The following VAT1L variants were observed in gnomAD, a reference collection of about 807,000 sequenced individuals.
VAT1L encodes the protein putative NADPH-dependent quinone oxidoreductase VAT1L.
In VAT1L, 34 loss-of-function variants were observed where a neutral mutation model predicts 44.1. The observed-to-expected ratio is 0.77, with a 90% CI of 0.59 to 1.03. The LOEUF is 1.03. Ranked by LOEUF, VAT1L falls within the 50% of genes least tolerant of loss-of-function variation. The pLI, the probability that VAT1L is intolerant of heterozygous loss-of-function variation, is 0.00. For missense variants in VAT1L, 615 were observed against 538.8 expected, an observed-to-expected ratio of 1.14 and a Z score of -1.40; for synonymous variants, 253 against 202.2, an observed-to-expected ratio of 1.25 and a Z score of -2.13.
intron 1 of VAT1L, among the ~76,000 whole-genome samples, chr16:77,792,034 C>G (rs1481131622): frequency 6.6e-6 from 1 of 152,010 alleles, no homozygotes; most frequent in Admixed American, 6.6e-5. Context: ...TCCATATGCC[C>G]CTGGGGGATG....
chr16:77,822,383 G>A (rs950804256), intron 2 of VAT1L, among the ~76,000 whole-genome samples: 3 of 152,138 alleles, frequency 2.0e-5, no homozygotes, highest in African/African-American at 7.2e-5. Flanking sequence ...CTCCCAAAGT[G>A]CTGGGATTAT....
At chr16:77,898,394 TGCA>T (rs2142473671) in intron 7 of VAT1L, among the ~76,000 whole-genome samples, 1 of 152,318 alleles carries the variant, frequency 6.6e-6, no homozygotes, top group African/African-American at 2.4e-5. Context: ...GGAGATGCCT[TGCA>T]AATTATAAAG....
intron 7 of VAT1L, among the ~76,000 whole-genome samples, chr16:77,956,190 A>G (rs1293332880): frequency 1.3e-5 from 2 of 152,182 alleles, no homozygotes; most frequent in Non-Finnish European, 2.9e-5. Context: ...CATGTACCCC[A>G]TAAATATACA....
At chr16:77,855,540 C>T (rs1488749854) in intron 3 of VAT1L, among the ~76,000 whole-genome samples, 1 of 152,074 alleles carries the variant, frequency 6.6e-6, no homozygotes, top group African/African-American at 2.4e-5. Flanking sequence ...CCAATGCAGT[C>T]TTTTGCTAGT....
At chr16:77,927,301 A>G (rs394092) in intron 7 of VAT1L, among the ~76,000 whole-genome samples, 147,551 of 150,014 alleles carry the variant, frequency 0.98, 72,602 homozygotes, top group South Asian at 1. Context: ...TCGCGCCACT[A>G]CACTCCAGCC....
chr16:77,854,283 A>G (rs576523262), intron 3 of VAT1L, among the ~76,000 whole-genome samples: 18 of 152,318 alleles, frequency 1.2e-4, no homozygotes, highest in African/African-American at 4.3e-4. Flanking sequence ...GTCACAGCGC[A>G]TATCACGTGT....
chr16:77,844,249 G>C (rs2016735890), intron 3 of VAT1L, among the ~76,000 whole-genome samples: 1 of 152,122 alleles, frequency 6.6e-6, no homozygotes, highest in Non-Finnish European at 1.5e-5. Flanking sequence ...AACAGGTACA[G>C]ACTTTTTCCT....
At chr16:77,865,761 C>G (rs1398596710) in intron 4 of VAT1L, among the ~76,000 whole-genome samples, 16 of 152,128 alleles carry the variant, frequency 1.1e-4, no homozygotes, top group Admixed American at 1.0e-3. Context: ...GAAAAGCTTG[C>G]TGAACTTATG....
intron 3 of VAT1L, among the ~76,000 whole-genome samples, chr16:77,856,846 C>T (rs2016864397): frequency 6.6e-6 from 1 of 152,200 alleles, no homozygotes; most frequent in Non-Finnish European, 1.5e-5. Flanking sequence ...AGATTAATAG[C>T]AGAGTGGCCT....
intron 7 of VAT1L, among the ~76,000 whole-genome samples, chr16:77,946,279 C>CTTTTGTTTTTTTTTTTTTTT (rs1555521583): frequency 1.4e-5 from 1 of 70,428 alleles, no homozygotes; most frequent in African/African-American, 5.3e-5. Context: ...GTTACTTGTT[C>CTTTTGTTTTTTTTTTTTTTT]TTTTTTTTTT....
chr16:77,862,751 C>G lies in VAT1L; in HGVS notation c.583C>G (p.Gln195Glu). 6.2e-7 allele frequency: 1 copy of G among 1,612,856 alleles called. No homozygotes were observed. Among genetic ancestry groups the G allele is most frequent in the Non-Finnish European group, 8.5e-7 (1 of 1,179,504 alleles). Residue 195 changes from glutamine (Q) to glutamate (E), a missense_variant, in exon 4 of 9, where the codon CAA becomes GAA. By Grantham distance (29) the Gln-to-Glu change is conservative. Transcript: ENST00000302536. The stretch of plus-strand genomic sequence containing the variant: ...AGCTATTGTCTTTTCCTTCCAGGGT[C>G]AAGCTGTGGCTCAGCTGTGTTCCAC... ...LVHSAGGGVG[Q>E]AVAQLCSTVP...
At chr16:77,911,500 C>T (rs2017499416) in intron 7 of VAT1L, among the ~76,000 whole-genome samples, 1 of 152,200 alleles carries the variant, frequency 6.6e-6, no homozygotes, top group Non-Finnish European at 1.5e-5. Flanking sequence ...CTCACCCTTG[C>T]TATTCTACAA....
At chr16:77,869,011 T>C (rs13333735) in intron 4 of VAT1L, among the ~76,000 whole-genome samples, 58,550 of 151,684 alleles carry the variant, frequency 0.39, 11,746 homozygotes, top group East Asian at 0.56. Flanking sequence ...AAATGTAGAG[T>C]TCTTTGCAGA....
At chr16:77,954,425 G>C (rs150354089) in intron 7 of VAT1L, among the ~76,000 whole-genome samples, 1 of 152,124 alleles carries the variant, frequency 6.6e-6, no homozygotes, top group Non-Finnish European at 1.5e-5. Flanking sequence ...AGGAGTTCGA[G>C]ACCAGCCTGA....
chr16:77,953,783 A>C (rs569064310), intron 7 of VAT1L, among the ~76,000 whole-genome samples: 103 of 152,224 alleles, frequency 6.8e-4, no homozygotes, highest in Admixed American at 1.8e-3. Flanking sequence ...GGCATGAGCC[A>C]TCTTGCCCAG....
intron 3 of VAT1L, 72 bp downstream of exon 3, chr16:77,825,533 T>A (rs1453369573): frequency 6.7e-7 from 1 of 1,496,376 alleles, no homozygotes; most frequent in African/African-American, 1.4e-5. Flanking sequence ...CCCCCTGAGG[T>A]CTTATGTGAG....
Position 77,874,855 on chromosome 16 carries a change from A to T in VAT1L, c.723-1515A>T, listed in dbSNP as rs949876374. 6.0e-5 allele frequency among the ~76,000 whole-genome samples: 9 copies of T among 150,744 alleles called. No individual in the cohort carries two copies. The South Asian group carries it at 1.9e-3, about 32-fold the overall frequency. On this transcript the variant is annotated intron_variant, in intron 4 of 8. Transcript: ENST00000302536. ...ATTAATTTGTAAAAAAAAAAAAAAAAAAAAAAAAGCCAGTCTGGCTCCTAA... is the reference window on the plus strand; with the variant it reads ...ATTAATTTGTAAAAAAAAAAAAAAATAAAAAAAAGCCAGTCTGGCTCCTAA...
At chr16:77,899,199 G>A (rs1025577231) in intron 7 of VAT1L, among the ~76,000 whole-genome samples, 1 of 152,196 alleles carries the variant, frequency 6.6e-6, no homozygotes, top group Non-Finnish European at 1.5e-5. Context: ...TAAGTGACCT[G>A]GTCAAGGTTA....
At chr16:77,867,494 A>G (rs1033185996) in intron 4 of VAT1L, among the ~76,000 whole-genome samples, 1 of 152,066 alleles carries the variant, frequency 6.6e-6, no homozygotes, top group Non-Finnish European at 1.5e-5. Flanking sequence ...TCATGTAGAG[A>G]TGCTTCTCGA....
Sources: allele counts gnomAD v4.1 joint callset (sites outside exome capture counted in the v4.1 genomes callset), GRCh38; gene constraint gnomAD v4.1.1; transcripts MANE v1.5; gene names NCBI Gene and HGNC (gene_info 2026-07-23, HGNC 2026-07-21).